Variants in PAM observed in about 807,000 individuals in gnomAD.
PAM encodes peptidyl-glycine alpha-amidating monooxygenase.
Under a neutral mutation model 122.1 loss-of-function variants are expected in PAM, and 72 were observed. That is an observed-to-expected ratio of 0.59 (90% CI 0.49 to 0.72). The LOEUF (loss-of-function observed/expected upper bound fraction) is 0.72, where lower values mean the gene tolerates loss of function less well. Ranked by LOEUF, PAM falls within the 30% of genes least tolerant of loss-of-function variation. The pLI is 0.00. For missense variants in PAM, 1,106 were observed against 1,183.7 expected (o/e 0.93, Z 0.96); for synonymous variants, 389 against 404.4 (o/e 0.96, Z 0.46).
At chr5:102,886,972 A>G (rs1793311582) in intron 3 of PAM, among the ~76,000 whole-genome samples, 1 of 152,072 alleles carries the variant, frequency 6.6e-6, no homozygotes, top group Admixed American at 6.6e-5. Context: ...TTGGATGATG[A>G]CCCATATAGT....
At chr5:102,876,336 C>A (rs1374843781) in intron 3 of PAM, among the ~76,000 whole-genome samples, 2 of 152,072 alleles carry the variant, frequency 1.3e-5, no homozygotes. Context: ...ACCCGTGTAC[C>A]CCTGCAATCT....
intron 4 of PAM, among the ~76,000 whole-genome samples, chr5:102,908,476 GA>G (rs903152858): frequency 3.3e-5 from 5 of 150,052 alleles, no homozygotes; most frequent in African/African-American, 7.4e-5. Flanking sequence ...GGTTCCATAT[GA>G]ACCACCGCAT....
At chr5:102,927,208 AC>A (rs1171172656) in intron 7 of PAM, among the ~76,000 whole-genome samples, 5 of 152,278 alleles carry the variant, frequency 3.3e-5, no homozygotes, top group Non-Finnish European at 7.3e-5. Flanking sequence ...TCCCCTAGAC[AC>A]CTGTTGCTCT....
intron 1 of PAM, among the ~76,000 whole-genome samples, chr5:102,765,258 T>C (rs1210028872): frequency 2.6e-5 from 4 of 152,238 alleles, no homozygotes; most frequent in African/African-American, 4.8e-5. Context: ...CTGCCATGTA[T>C]ATATGTGACA....
chr5:102,905,928 C>G (rs1457338798), intron 4 of PAM, among the ~76,000 whole-genome samples: 1 of 151,560 alleles, frequency 6.6e-6, no homozygotes, highest in Non-Finnish European at 1.5e-5. Flanking sequence ...TTGGAAAGAG[C>G]TATGATGAAA....
chr5:102,919,136 T>A (rs758004126), intron 5 of PAM, among the ~76,000 whole-genome samples: 1 of 152,154 alleles, frequency 6.6e-6, no homozygotes, highest in South Asian at 2.1e-4. Context: ...TACCATCTTA[T>A]GAAGCTTTAG....
At chr5:102,815,371 CA>C (rs1362465761) in intron 1 of PAM, among the ~76,000 whole-genome samples, 1 of 152,006 alleles carries the variant, frequency 6.6e-6, no homozygotes, top group Non-Finnish European at 1.5e-5. Context: ...GCAGCAGCAG[CA>C]AAATGTTTTT....
At chr5:102,927,218 C>T (rs1174581555) in intron 7 of PAM, among the ~76,000 whole-genome samples, 2 of 152,230 alleles carry the variant, frequency 1.3e-5, no homozygotes, top group African/African-American at 2.4e-5. Context: ...ACCTGTTGCT[C>T]TACCAGTGAT....
chr5:102,909,051 A>G (rs1385352397), intron 4 of PAM, among the ~76,000 whole-genome samples: 2 of 151,808 alleles, frequency 1.3e-5, no homozygotes, highest in African/African-American at 4.8e-5. Flanking sequence ...TTTTGGAAAT[A>G]AAGAAATGTT....
At chr5:102,984,108 G>A (rs192217081) in intron 15 of PAM, among the ~76,000 whole-genome samples, 91 of 152,084 alleles carry the variant, frequency 6.0e-4, no homozygotes, top group African/African-American at 2.0e-3. Flanking sequence ...AAATGAGAAA[G>A]AGAAAGGACT....
At chr5:102,919,328 G>T (rs1165152032) in intron 5 of PAM, among the ~76,000 whole-genome samples, 1 of 151,906 alleles carries the variant, frequency 6.6e-6, no homozygotes, top group African/African-American at 2.4e-5. Context: ...GTTTTTTAAA[G>T]GTGATGTTGT....
intron 14 of PAM, among the ~76,000 whole-genome samples, chr5:102,970,979 G>C (rs1285297537): frequency 6.6e-6 from 1 of 151,984 alleles, no homozygotes; most frequent in Non-Finnish European, 1.5e-5. Context: ...GCTAATTTTT[G>C]TATTTTTAGT....
chr5:102,901,351 A>G lies in PAM; in HGVS notation c.211-5A>G. The stretch of plus-strand genomic sequence containing the variant: ...ATTTGGATTTTTTAATCTTTTTTTT[A>G]ATAGTCCGATACATACTTCTGCATG... On this transcript the variant is annotated splice_polypyrimidine_tract_variant and splice_region_variant and intron_variant, in intron 3 of 25. Coordinates refer to ENST00000438793, the MANE Select transcript of PAM (RefSeq NM_001177306.2). 6.5e-6 allele frequency: 10 copies of G among 1,538,474 alleles called. No homozygotes were observed. Among genetic ancestry groups the G allele is most frequent in the Non-Finnish European group, 9.0e-6 (10 of 1,114,024 alleles).
At chr5:102,916,631 T>C (rs1162218834) in intron 5 of PAM, among the ~76,000 whole-genome samples, 1 of 146,962 alleles carries the variant, frequency 6.8e-6, no homozygotes, top group East Asian at 2.0e-4. Flanking sequence ...CCTTTTTATA[T>C]ATATATATAT....
At chr5:102,802,558 C>T (rs963466611) in intron 1 of PAM, among the ~76,000 whole-genome samples, 5 of 152,064 alleles carry the variant, frequency 3.3e-5, no homozygotes, top group Non-Finnish European at 5.9e-5. Context: ...AGAATACTTT[C>T]ATAGCACATA....
chr5:102,794,883 A>G (rs1762953114), intron 1 of PAM, among the ~76,000 whole-genome samples: 1 of 152,160 alleles, frequency 6.6e-6, no homozygotes. Flanking sequence ...AAGAGTAACA[A>G]AAGAAGATGC....
chr5:102,766,521 A>G (rs542432439), intron 1 of PAM, among the ~76,000 whole-genome samples: 1 of 152,302 alleles, frequency 6.6e-6, no homozygotes, highest in African/African-American at 2.4e-5. Context: ...GTGGCTGTAA[A>G]TACAGATGAA....
chr5:103,019,635 A>G (rs1255279382), intron 22 of PAM, among the ~76,000 whole-genome samples, 155 bp from the exon 23 acceptor site: 1 of 152,216 alleles, frequency 6.6e-6, no homozygotes, highest in Non-Finnish European at 1.5e-5. Context: ...GGACCACCTA[A>G]TTAGTGGTTT....
chr5:102,972,396 T>A (rs1317051569), intron 14 of PAM, among the ~76,000 whole-genome samples: 1 of 152,112 alleles, frequency 6.6e-6, no homozygotes, highest in Admixed American at 6.5e-5. Flanking sequence ...GTCCTCCCAC[T>A]TTAGCCTCCC....
Sources: allele counts gnomAD v4.1 joint callset (sites outside exome capture counted in the v4.1 genomes callset), GRCh38; gene constraint gnomAD v4.1.1; transcripts MANE v1.5; gene names NCBI Gene and HGNC (gene_info 2026-07-23, HGNC 2026-07-21).